The following LMCD1 variants were observed in gnomAD, a reference collection of about 807,000 sequenced individuals.
LMCD1 encodes LIM and cysteine-rich domains protein 1.
In LMCD1, 32 loss-of-function variants were observed where a neutral mutation model predicts 42.7. The ratio of observed to expected loss-of-function variants is 0.75; its 90% CI spans 0.57 to 1.01. The LOEUF (loss-of-function observed/expected upper bound fraction) is 1.01, where lower values mean the gene tolerates loss of function less well. Among genes scored for constraint, LMCD1 ranks in the 50% least tolerant of loss-of-function variants. The pLI, the probability that LMCD1 is intolerant of heterozygous loss-of-function variation, is 0.00. For synonymous variants in LMCD1, 178 were observed against 184.9 expected, an observed-to-expected ratio of 0.96 and a Z score of 0.30; for missense variants, 458 against 483.1, an observed-to-expected ratio of 0.95 and a Z score of 0.49.
At chr3:8,539,100 C>G (rs1016376273) in intron 3 of LMCD1, among the ~76,000 whole-genome samples, 1 of 152,098 alleles carries the variant, frequency 6.6e-6, no homozygotes, top group African/African-American at 2.4e-5. Flanking sequence ...ATGGGGTATG[C>G]GCTACATTCT....
rs79435148 is a variant in LMCD1 at position 8,561,398 on chromosome 3, T to C, written c.724-4034T>C. On this transcript the variant is annotated intron_variant, in intron 4 of 5. Transcript: ENST00000157600. ...AGCACAGAGTTTTTTTTTTTTTTTT[T>C]CCAATATAGGTCTACTAATGAGAAA... Among the ~76,000 whole-genome samples, 299 of 140,754 alleles carry C rather than the reference T, an allele frequency of 2.1e-3. No homozygotes were observed. The Middle Eastern group carries it at 0.021, about 10-fold the overall frequency. The allele number at this position is 140,754 out of a possible 152,430, so 92.3% of individuals were successfully genotyped here.
At chr3:8,536,080 G>T (rs1229953630) in intron 2 of LMCD1, among the ~76,000 whole-genome samples, 2 of 152,154 alleles carry the variant, frequency 1.3e-5, no homozygotes, top group African/African-American at 4.8e-5. Context: ...TGTGATATTC[G>T]ATCAGACGTA....
At chr3:8,550,496 C>T in intron 4 of LMCD1, 1 of 985,030 alleles carries the variant, frequency 1.0e-6, no homozygotes, top group Non-Finnish European at 1.2e-6. Context: ...AGCTAATCAT[C>T]CAAAACCTGC....
chr3:8,522,052 T>TG (rs1007242651), intron 1 of LMCD1, among the ~76,000 whole-genome samples: 1 of 152,098 alleles, frequency 6.6e-6, no homozygotes, highest in African/African-American at 2.4e-5. Context: ...TTGGCTTTCC[T>TG]GGAACCAGTC....
chr3:8,502,322 T>TATATAAA lies in LMCD1; in HGVS notation c.42+347_42+348insAAATATA, dbSNP rs1559342131. ...TATATATAATATATAAAATATATAT[T>TATATAAA]ATATATAATATATATTATATATAAA... On this transcript the variant is annotated intron_variant, in intron 1 of 5. Coordinates refer to ENST00000157600, the MANE Select transcript of LMCD1 (RefSeq NM_014583.4). Among the ~76,000 whole-genome samples the TATATAAA allele has an allele frequency of 3.2e-3, 27 of 8,528 alleles. 1 individual carries two copies. Among genetic ancestry groups the TATATAAA allele is most frequent in the Non-Finnish European group, 3.7e-3 (12 of 3,270 alleles). The allele number at this position is 8,528 out of a possible 152,430, so 5.6% of individuals were successfully genotyped here.
At chr3:8,534,839 C>G (rs183749646) in intron 2 of LMCD1, among the ~76,000 whole-genome samples, 1 of 152,228 alleles carries the variant, frequency 6.6e-6, no homozygotes, top group East Asian at 1.9e-4. Context: ...GTGGATCACT[C>G]ATGTATAAAG....
chr3:8,519,246 G>T (rs1001192682), intron 1 of LMCD1, among the ~76,000 whole-genome samples: 3 of 152,208 alleles, frequency 2.0e-5, no homozygotes, highest in African/African-American at 4.8e-5. Flanking sequence ...AAGACCATAT[G>T]ATAGGAGTGT....
At chr3:8,530,778 G>A (rs192473016) in intron 1 of LMCD1, among the ~76,000 whole-genome samples, 4 of 152,356 alleles carry the variant, frequency 2.6e-5, no homozygotes, top group African/African-American at 9.6e-5. Context: ...AAGGTTATAT[G>A]CCAGTGGCTT....
At chr3:8,559,793 C>A (rs138182322) in intron 4 of LMCD1, among the ~76,000 whole-genome samples, 477 of 152,270 alleles carry the variant, frequency 3.1e-3, no homozygotes, top group Middle Eastern at 6.8e-3. Flanking sequence ...GGCTTAGAGG[C>A]AAGAAGAGCA....
intron 1 of LMCD1, among the ~76,000 whole-genome samples, chr3:8,512,917 G>T (rs955071172): frequency 6.6e-6 from 1 of 152,076 alleles, no homozygotes; most frequent in African/African-American, 2.4e-5. Flanking sequence ...AGAATTCAAG[G>T]TACTATGGCC....
chr3:8,532,538 T>C (rs567701469), intron 1 of LMCD1, among the ~76,000 whole-genome samples, 199 bp from the exon 2 acceptor site: 1 of 152,264 alleles, frequency 6.6e-6, no homozygotes, highest in Non-Finnish European at 1.5e-5. Context: ...CCTTCCACAA[T>C]TGCCTACCCT....
At chr3:8,529,790 T>C (rs1694376722) in intron 1 of LMCD1, among the ~76,000 whole-genome samples, 1 of 152,192 alleles carries the variant, frequency 6.6e-6, no homozygotes, top group Non-Finnish European at 1.5e-5. Flanking sequence ...GAAAAAAATG[T>C]GTTGAGAATA....
At chr3:8,539,729 G>A (rs1694580932) in intron 3 of LMCD1, among the ~76,000 whole-genome samples, 1 of 151,708 alleles carries the variant, frequency 6.6e-6, no homozygotes, top group Non-Finnish European at 1.5e-5. Context: ...CTTCATCTGG[G>A]CGTCCAGGGC....
At chr3:8,549,325 C>T (rs1694797950) in intron 4 of LMCD1, among the ~76,000 whole-genome samples, 1 of 152,142 alleles carries the variant, frequency 6.6e-6, no homozygotes, top group Admixed American at 6.5e-5. Flanking sequence ...CAAGAAAGCA[C>T]AGTGCATTTA....
At chr3:8,515,783 G>C (rs1315644862) in intron 1 of LMCD1, among the ~76,000 whole-genome samples, 1 of 152,126 alleles carries the variant, frequency 6.6e-6, no homozygotes, top group Non-Finnish European at 1.5e-5. Flanking sequence ...GAGACCCTAA[G>C]AGCGGGGGAT....
intron 1 of LMCD1, among the ~76,000 whole-genome samples, chr3:8,513,484 A>G (rs749570260): frequency 2.6e-5 from 4 of 152,194 alleles, no homozygotes; most frequent in Non-Finnish European, 5.9e-5. Flanking sequence ...GTGGGAAATC[A>G]TGGCAAGAAA....
At chr3:8,556,698 A>G (rs1428439522) in intron 4 of LMCD1, among the ~76,000 whole-genome samples, 1 of 152,176 alleles carries the variant, frequency 6.6e-6, no homozygotes, top group Non-Finnish European at 1.5e-5. Context: ...TCAGCTGTGG[A>G]CCAAGCAGCA....
intron 1 of LMCD1, among the ~76,000 whole-genome samples, chr3:8,502,345 A>ATATATTATATATAT (rs1559342200): frequency 1.1e-5 from 1 of 89,480 alleles, no homozygotes; most frequent in African/African-American, 4.8e-5. Flanking sequence ...TATTATATAT[A>ATATATTATATATAT]AAATATATAA....
chr3:8,543,175 T>G (rs1694661370), intron 3 of LMCD1, among the ~76,000 whole-genome samples: 1 of 152,116 alleles, frequency 6.6e-6, no homozygotes, highest in Non-Finnish European at 1.5e-5. Flanking sequence ...AAGGGGACGG[T>G]GTGAGCAAAG....
Sources: gnomAD v4.1 joint callset for allele counts (sites outside exome capture counted in the v4.1 genomes callset) on GRCh38, gnomAD v4.1.1 for gene constraint, MANE v1.5 for transcripts, NCBI Gene and HGNC (gene_info 2026-07-23, HGNC 2026-07-21) for gene names.